The following PTPRT variants were observed in gnomAD, a reference collection of about 807,000 sequenced individuals.
PTPRT encodes the protein receptor-type tyrosine-protein phosphatase T.
PTPRT carries 56 observed loss-of-function variants against 176.8 expected under a neutral mutation model. That is an observed-to-expected ratio of 0.32 (90% CI 0.26 to 0.40). PTPRT has a LOEUF of 0.40. Ranked by LOEUF, PTPRT falls within the 10% of genes least tolerant of loss-of-function variation. The probability of loss-of-function intolerance (pLI) is 1.00; values close to 1 mark genes in which losing one functional copy is unlikely to be tolerated. For missense variants in PTPRT, 1,540 were observed against 1,908.2 expected (o/e 0.81, Z 3.60); for synonymous variants, 783 against 739.0 (o/e 1.06, Z -0.96).
chr20:42,075,959 T>C lies in PTPRT; in HGVS notation c.*4920A>G. ...TGACCATTTTGCTAAATAAGTCATC[T>C]GCATCCTCGGTTCTGAGTATTCACT... On this transcript the variant is annotated 3_prime_UTR_variant, in exon 31 of 31. Coordinates refer to ENST00000373187, the MANE Select transcript of PTPRT (RefSeq NM_007050.6). 4.5e-6 allele frequency: 1 copy of C among 222,012 alleles called. No homozygotes were observed. The highest frequency in any genetic ancestry group is 9.0e-6 in the Non-Finnish European group (1 of 110,848). The allele number at this position is 222,012 out of a possible 1,614,324, so 13.8% of individuals were successfully genotyped here. A position where few individuals can be genotyped will look rare whatever the true frequency, so the allele number is the denominator to read the frequency against.
At chr20:42,147,998 T>C (rs1988948250) in intron 17 of PTPRT, among the ~76,000 whole-genome samples, 1 of 152,212 alleles carries the variant, frequency 6.6e-6, no homozygotes, top group African/African-American at 2.4e-5. Flanking sequence ...CATTTCCATC[T>C]TCAAAGTGAG....
intron 1 of PTPRT, among the ~76,000 whole-genome samples, chr20:43,136,086 C>A (rs566254628): frequency 6.6e-6 from 1 of 152,214 alleles, no homozygotes; most frequent in Non-Finnish European, 1.5e-5. Context: ...CTTTTCAAAG[C>A]CAAATATAAA....
chr20:42,173,208 A>G (rs1600630226), intron 16 of PTPRT, among the ~76,000 whole-genome samples: 1 of 152,308 alleles, frequency 6.6e-6, no homozygotes, highest in East Asian at 1.9e-4. Context: ...GCAAAGCATC[A>G]GTCTATGGAC....
chr20:42,543,061 G>T (rs2072611796), intron 7 of PTPRT, among the ~76,000 whole-genome samples: 1 of 152,202 alleles, frequency 6.6e-6, no homozygotes, highest in Non-Finnish European at 1.5e-5. Flanking sequence ...GTTGATGGCT[G>T]CTGACTGATC....
intron 6 of PTPRT, among the ~76,000 whole-genome samples, chr20:42,689,436 G>C (rs2425527): frequency 0.14 from 21,785 of 152,046 alleles, 2,224 homozygotes; most frequent in African/African-American, 0.28. Flanking sequence ...CCACCTCCAC[G>C]GATAAAACCT....
At chr20:42,165,439 G>A (rs1243585387) in intron 16 of PTPRT, among the ~76,000 whole-genome samples, 2 of 152,164 alleles carry the variant, frequency 1.3e-5, no homozygotes, top group African/African-American at 2.4e-5. Context: ...GAAGAGACAG[G>A]CCCCTAAGAG....
chr20:42,305,336 G>C (rs2145328706), intron 12 of PTPRT, among the ~76,000 whole-genome samples: 1 of 152,028 alleles, frequency 6.6e-6, no homozygotes, highest in Admixed American at 6.6e-5. Context: ...GGGCAACAGA[G>C]TGTGACTCTG....
chr20:43,054,094 T>C (rs1210234878), intron 1 of PTPRT, among the ~76,000 whole-genome samples: 1 of 152,146 alleles, frequency 6.6e-6, no homozygotes, highest in Non-Finnish European at 1.5e-5. Context: ...TCAGCTCAAG[T>C]CCCAAACCAG....
Position 42,420,350 on chromosome 20 carries a change from T to C in PTPRT, c.1560+27870A>G, listed in dbSNP as rs745852504. Among the ~76,000 whole-genome samples the C allele has an allele frequency of 7.4e-4, 113 of 152,152 alleles. 1 individual carries two copies. Among genetic ancestry groups the C allele is most frequent in the Middle Eastern group, 3.2e-3 (1 of 316 alleles). ...CTGAACTCGTTTTGACTCAGATAAA[T>C]GTCTGAGCTCCGGTGCTTATTCTGG... On this transcript the variant is annotated intron_variant, in intron 9 of 30. Coordinates refer to ENST00000373187, the MANE Select transcript of PTPRT (RefSeq NM_007050.6).
intron 9 of PTPRT, among the ~76,000 whole-genome samples, chr20:42,368,546 TACACCTAGAACTCTAGGC>T (rs966858393): frequency 1.4e-4 from 22 of 152,268 alleles, no homozygotes; most frequent in African/African-American, 5.1e-4. Flanking sequence ...TTACAAGGTT[TACACCTAGAACTCTAGGC>T]TCTTATTAAG....
chr20:42,167,414 A>C (rs1568636876), intron 16 of PTPRT, among the ~76,000 whole-genome samples: 1 of 151,928 alleles, frequency 6.6e-6, no homozygotes, highest in Admixed American at 6.6e-5. Flanking sequence ...TCCTTCTTTC[A>C]CAGTTCCCTT....
intron 2 of PTPRT, among the ~76,000 whole-genome samples, chr20:42,815,444 G>T (rs2077766732): frequency 6.6e-6 from 1 of 152,178 alleles, no homozygotes; most frequent in South Asian, 2.1e-4. Context: ...CAGAGGTTCT[G>T]ATACATGGCA....
chr20:42,881,234 G>A (rs1229080468), intron 2 of PTPRT, among the ~76,000 whole-genome samples: 1 of 152,198 alleles, frequency 6.6e-6, no homozygotes, highest in African/African-American at 2.4e-5. Flanking sequence ...TAAAGATGTG[G>A]AAACTGGGAG....
chr20:42,502,405 AACACACACACACACAC>A (rs11467404), intron 7 of PTPRT, among the ~76,000 whole-genome samples: 20 of 137,412 alleles, frequency 1.5e-4, no homozygotes, highest in African/African-American at 3.6e-4. Context: ...TATGTATACA[AACACACACACACACAC>A]ACACACACAC....
chr20:42,119,035 A>C (rs1987445397), intron 20 of PTPRT, among the ~76,000 whole-genome samples: 1 of 150,708 alleles, frequency 6.6e-6, no homozygotes, highest in South Asian at 2.1e-4. Flanking sequence ...AAAAAAAAAA[A>C]AAAAAAGACC....
intron 1 of PTPRT, among the ~76,000 whole-genome samples, chr20:43,059,851 C>T (rs780511246): frequency 1.5e-4 from 23 of 152,048 alleles, no homozygotes; most frequent in Non-Finnish European, 2.4e-4. Flanking sequence ...TGGTGGTACA[C>T]GTCTATAATC....
intron 2 of PTPRT, among the ~76,000 whole-genome samples, chr20:42,828,118 G>C (rs887230843): frequency 3.9e-4 from 60 of 152,330 alleles, no homozygotes; most frequent in Middle Eastern, 3.4e-3. Context: ...ATATCCTAGA[G>C]ACTTGTTGAA....
intron 12 of PTPRT, among the ~76,000 whole-genome samples, chr20:42,306,977 C>A (rs77982246): frequency 0.029 from 4,373 of 152,260 alleles, 215 homozygotes; most frequent in African/African-American, 0.098. Flanking sequence ...ATCTGAGACA[C>A]AGCAGATGCT....
Position 42,076,557 on chromosome 20 carries a change from C to T in PTPRT, c.*4322G>A, listed in dbSNP as rs1982794493. The T allele has an allele frequency of 5.0e-6, 1 of 198,218 alleles. No homozygotes were observed. The highest frequency in any genetic ancestry group is 1.0e-5 in the Non-Finnish European group (1 of 95,752). 12.3% of individuals were successfully genotyped at this position (198,218 alleles called of 1,614,324 possible). On this transcript the variant is annotated 3_prime_UTR_variant, in exon 31 of 31. Coordinates refer to ENST00000373187, the MANE Select transcript of PTPRT (RefSeq NM_007050.6). ...ACAGTGAGGTCAGAGCACCCACACA[C>T]CAAAGGAGCTGCCTAGGAGAAGGTC...
Sources: allele counts gnomAD v4.1 joint callset (sites outside exome capture counted in the v4.1 genomes callset), GRCh38; gene constraint gnomAD v4.1.1; transcripts MANE v1.5; gene names NCBI Gene and HGNC (gene_info 2026-07-23, HGNC 2026-07-21).